The following MBNL2 variants were observed in gnomAD, a reference collection of about 807,000 sequenced individuals.
MBNL2 encodes muscleblind-like protein 2.
A neutral mutation model predicts 41.9 loss-of-function variants in MBNL2; 17 were observed. The ratio of observed to expected loss-of-function variants is 0.41; its 90% CI spans 0.28 to 0.61. MBNL2 has a LOEUF of 0.61. Among genes scored for constraint, MBNL2 ranks in the 20% least tolerant of loss-of-function variants. The pLI, the probability that MBNL2 is intolerant of heterozygous loss-of-function variation, is 0.35. For synonymous variants in MBNL2, 195 were observed against 182.9 expected (o/e 1.07, Z -0.53); for missense variants, 336 against 505.6 (o/e 0.66, Z 3.22).
chr13:97,229,038 T>C (rs1047837287), intron 1 of MBNL2, among the ~76,000 whole-genome samples: 1 of 151,206 alleles, frequency 6.6e-6, no homozygotes, highest in Non-Finnish European at 1.5e-5. Flanking sequence ...TTTTAATGGA[T>C]GTTGCGTAAT....
At chr13:97,368,824 A>T (rs11069261) in intron 8 of MBNL2, among the ~76,000 whole-genome samples, 1 of 152,100 alleles carries the variant, frequency 6.6e-6, no homozygotes, top group Non-Finnish European at 1.5e-5. Flanking sequence ...GTGCGAGTGG[A>T]AAAGGAAATA....
rs1313115342 is a variant in MBNL2 at position 97,343,200 on chromosome 13, G to A, written c.524G>A (p.Arg175Lys). The A allele has an allele frequency of 6.2e-7, 1 of 1,605,154 alleles. No homozygotes were observed. The highest frequency in any genetic ancestry group is 8.5e-7 in the Non-Finnish European group (1 of 1,175,462). ...PGSTATQKLL[R>K]TDKLEVCREF... ...TCAACTGCAACTCAGAAACTTCTCA[G>A]GACTGACAAACTGGAGGTACTTCAA... Residue 175 changes from arginine to lysine, a missense_variant, in exon 4 of 9, where the codon AGG becomes AAG. By Grantham distance (26) the Arg-to-Lys change is conservative (BLOSUM62 2). Transcript: ENST00000679496.
At chr13:97,182,924 C>T in the MBNL2 span, among the ~76,000 whole-genome samples, 1 of 152,086 alleles carries the variant, frequency 6.6e-6, no homozygotes, top group African/African-American at 2.4e-5. Context: ...TTATGAGTTA[C>T]CCCAAGTATA....
chr13:97,337,842 A>G (rs2061021634), intron 3 of MBNL2, among the ~76,000 whole-genome samples: 1 of 152,222 alleles, frequency 6.6e-6, no homozygotes, highest in African/African-American at 2.4e-5. Flanking sequence ...GAAATGAATC[A>G]GTGACCTAGT....
At chr13:97,324,405 C>T (rs1274435614) in intron 2 of MBNL2, among the ~76,000 whole-genome samples, 3 of 152,150 alleles carry the variant, frequency 2.0e-5, no homozygotes. Flanking sequence ...ACAGAAAAGG[C>T]CTGCCCTCCC....
At chr13:97,155,388 T>A in the MBNL2 span, among the ~76,000 whole-genome samples, 13 of 151,392 alleles carry the variant, frequency 8.6e-5, no homozygotes, top group African/African-American at 1.5e-4. Flanking sequence ...TTTCTTTTTT[T>A]TTTTTATTTT....
At chr13:97,220,956 A>G (rs2040808036), upstream of MBNL2, among the ~76,000 whole-genome samples, 1 of 152,236 alleles carries the variant, frequency 6.6e-6, no homozygotes, top group Non-Finnish European at 1.5e-5. Context: ...ATTACAGTAG[A>G]TGAAAGCCTG....
At chr13:97,171,691 T>C in the MBNL2 span, among the ~76,000 whole-genome samples, 1 of 152,092 alleles carries the variant, frequency 6.6e-6, no homozygotes, top group African/African-American at 2.4e-5. Context: ...TCAAACAGGA[T>C]AGAAAGGAGG....
chr13:97,236,036 C>A (rs751323668), intron 1 of MBNL2, among the ~76,000 whole-genome samples: 4 of 152,080 alleles, frequency 2.6e-5, no homozygotes, highest in Non-Finnish European at 4.4e-5. Context: ...TGGAGAAGGG[C>A]GATTGTGTTT....
upstream of MBNL2, among the ~76,000 whole-genome samples, chr13:97,222,101 T>C (rs917632996): frequency 2.6e-5 from 4 of 152,302 alleles, no homozygotes; most frequent in South Asian, 8.3e-4. Flanking sequence ...CTCTGCCAAT[T>C]ATGTGCCACT....
At chr13:97,354,642 ATATT>A (rs1813675418) in intron 5 of MBNL2, among the ~76,000 whole-genome samples, 1 of 152,254 alleles carries the variant, frequency 6.6e-6, no homozygotes, top group Non-Finnish European at 1.5e-5. Context: ...AAGAAGAAGA[ATATT>A]AACCTTCCAG....
At chr13:97,331,213 T>G (rs1482431505) in intron 2 of MBNL2, among the ~76,000 whole-genome samples, 1 of 152,252 alleles carries the variant, frequency 6.6e-6, no homozygotes, top group East Asian at 1.9e-4. Context: ...CTAGGCATTT[T>G]TCTAAGCCTT....
At chr13:97,295,820 C>T (rs1347334233) in intron 2 of MBNL2, among the ~76,000 whole-genome samples, 1 of 152,070 alleles carries the variant, frequency 6.6e-6, no homozygotes, top group Non-Finnish European at 1.5e-5. Flanking sequence ...ACATTGAAAT[C>T]CTGTGAATTT....
the MBNL2 span, among the ~76,000 whole-genome samples, chr13:97,144,174 G>A: frequency 3.3e-5 from 5 of 151,814 alleles, no homozygotes; most frequent in East Asian, 2.0e-4. Context: ...GTGGTGCCAC[G>A]TGGAGTGGGA....
chr13:97,195,667 T>C, the MBNL2 span, among the ~76,000 whole-genome samples: 5 of 152,184 alleles, frequency 3.3e-5, no homozygotes, highest in African/African-American at 1.2e-4. Context: ...AAATTATACA[T>C]AATAGCATAA....
intron 2 of MBNL2, among the ~76,000 whole-genome samples, chr13:97,314,277 C>T (rs763705022): frequency 2.1e-4 from 32 of 152,218 alleles, no homozygotes; most frequent in Non-Finnish European, 4.3e-4. Context: ...CCCCTTAACA[C>T]CTCAAATGGC....
At chr13:97,224,206 G>A (rs918026663) in intron 1 of MBNL2, among the ~76,000 whole-genome samples, 1 of 152,170 alleles carries the variant, frequency 6.6e-6, no homozygotes, top group East Asian at 1.9e-4. Context: ...GATGGTCCCC[G>A]GGGCCCTATT....
At chr13:97,209,541 C>A in the MBNL2 span, among the ~76,000 whole-genome samples, 2 of 152,194 alleles carry the variant, frequency 1.3e-5, no homozygotes, top group African/African-American at 4.8e-5. Flanking sequence ...TTATAATAAT[C>A]TTTCCAATAT....
At chr13:97,187,612 AAAAAAAAAAAAG>A in the MBNL2 span, among the ~76,000 whole-genome samples, 3 of 147,436 alleles carry the variant, frequency 2.0e-5, no homozygotes, top group Non-Finnish European at 4.5e-5. Flanking sequence ...AAAAAAAAAA[AAAAAAAAAAAAG>A]AGGCCGGGCG....
Sources: gnomAD v4.1 joint callset for allele counts (sites outside exome capture counted in the v4.1 genomes callset) on GRCh38, gnomAD v4.1.1 for gene constraint, MANE v1.5 for transcripts, NCBI Gene and HGNC (gene_info 2026-07-23, HGNC 2026-07-21) for gene names.